The following PIP5K1C variants were observed in gnomAD, a reference collection of about 807,000 sequenced individuals.
PIP5K1C encodes phosphatidylinositol-4-phosphate 5-kinase type 1 gamma.
In PIP5K1C, 45 loss-of-function variants were observed where a neutral mutation model predicts 80.1. That is an observed-to-expected ratio of 0.56 (90% CI 0.44 to 0.72). The LOEUF is 0.72. Among genes scored for constraint, PIP5K1C ranks in the 30% least tolerant of loss-of-function variants. The pLI is 0.00. For synonymous variants in PIP5K1C, 498 were observed against 420.1 expected (o/e 1.19, Z -2.27); for missense variants, 753 against 954.6 (o/e 0.79, Z 2.78).
intron 13 of PIP5K1C, 29 bp from the exon 14 acceptor site, chr19:3,642,968 C>G: frequency 6.2e-7 from 1 of 1,613,058 alleles, no homozygotes; most frequent in Non-Finnish European, 8.5e-7. Context: ...CACGTGACAC[C>G]CAGAAAGAGA....
chr19:3,654,410 G>A (rs577479955), intron 6 of PIP5K1C, among the ~76,000 whole-genome samples: 45 of 152,350 alleles, frequency 3.0e-4, no homozygotes, highest in Non-Finnish European at 5.1e-4. Flanking sequence ...AGTGAGGGGC[G>A]CGGACTCAGG....
chr19:3,685,028 G>A (rs918600927), intron 1 of PIP5K1C, among the ~76,000 whole-genome samples: 1 of 152,314 alleles, frequency 6.6e-6, no homozygotes, highest in South Asian at 2.1e-4. Flanking sequence ...TTTATTTATA[G>A]AAATGAGGCT....
intron 13 of PIP5K1C, 29 bp from the exon 14 acceptor site, chr19:3,642,968 C>T: frequency 6.2e-7 from 1 of 1,613,058 alleles, no homozygotes; most frequent in Non-Finnish European, 8.5e-7. Flanking sequence ...CACGTGACAC[C>T]CAGAAAGAGA....
At position 3,632,329 on chromosome 19, in the gene PIP5K1C, G is replaced by T. The variant is rs1305727272; in HGVS notation, c.*838C>A. On this transcript the variant is annotated 3_prime_UTR_variant, in exon 18 of 18. Coordinates refer to ENST00000335312, the MANE Select transcript of PIP5K1C (RefSeq NM_012398.3). Reference sequence around the variant, plus strand: ...CGCTCTGTCCTGCCATGGAGAAAACGTCTCCGTTGCCTGGGCCCTCCATGC... The same window carrying T: ...CGCTCTGTCCTGCCATGGAGAAAACTTCTCCGTTGCCTGGGCCCTCCATGC... The T allele has an allele frequency of 6.6e-6, 1 of 152,310 alleles. No homozygotes were observed. Among genetic ancestry groups the T allele is most frequent in the African/African-American group, 2.4e-5 (1 of 41,450 alleles). 9.4% of individuals were successfully genotyped at this position (152,310 alleles called of 1,614,324 possible). A position where few individuals can be genotyped will look rare whatever the true frequency, so the allele number is the denominator to read the frequency against.
intron 15 of PIP5K1C, among the ~76,000 whole-genome samples, chr19:3,641,352 G>A (rs1470614754): frequency 6.6e-6 from 1 of 152,132 alleles, no homozygotes; most frequent in East Asian, 1.9e-4. Context: ...TCTTGCCTGG[G>A]CCCTGTGGAC....
At chr19:3,695,734 T>G (rs1176507055) in intron 1 of PIP5K1C, among the ~76,000 whole-genome samples, 9 of 150,818 alleles carry the variant, frequency 6.0e-5, no homozygotes. Flanking sequence ...TGACCCTTTT[T>G]TTTTTTTTTT....
At chr19:3,685,870 GA>G (rs1405953560) in intron 1 of PIP5K1C, among the ~76,000 whole-genome samples, 28 of 150,828 alleles carry the variant, frequency 1.9e-4, no homozygotes, top group African/African-American at 5.6e-4. Context: ...TGTTCATCTT[GA>G]TTTTTTTGTA....
At position 3,631,301 on chromosome 19, in the gene PIP5K1C, G is replaced by A. The variant is rs2033462262; in HGVS notation, c.*1866C>T. 1 of 152,328 alleles carries A rather than the reference G, an allele frequency of 6.6e-6. No individual in the cohort carries two copies. 9.4% of individuals were successfully genotyped at this position (152,328 alleles called of 1,614,324 possible). On this transcript the variant is annotated 3_prime_UTR_variant, in exon 18 of 18. Transcript: ENST00000335312. Reference sequence around the variant, plus strand: ...GGACTGGTGTGGCCTCTGGGGGTTGGGCCTTTGAGATGACAATGCCCCTGT... The same window carrying A: ...GGACTGGTGTGGCCTCTGGGGGTTGAGCCTTTGAGATGACAATGCCCCTGT...
In PIP5K1C at chr19:3,632,853, T is replaced by G. The variant is rs2033507422; in HGVS notation, c.*314A>C. On this transcript the variant is annotated 3_prime_UTR_variant, in exon 18 of 18. Transcript: ENST00000335312. ...CTCTTCTCCCTCTGGTTGGTTTGTT[T>G]GTGTCTTTTTTGTTCTTTTCCTAAA... 1 of 414,448 alleles carries G rather than the reference T, an allele frequency of 2.4e-6. No homozygotes were observed. 25.7% of individuals were successfully genotyped at this position (414,448 alleles called of 1,614,324 possible).
chr19:3,631,417 G>C lies in PIP5K1C; in HGVS notation c.*1750C>G, dbSNP rs1420774550. The C allele has an allele frequency of 6.6e-6, 1 of 152,624 alleles. No homozygotes were observed. The highest frequency in any genetic ancestry group is 2.4e-5 in the African/African-American group (1 of 41,476). 9.5% of individuals were successfully genotyped at this position (152,624 alleles called of 1,614,324 possible). ...CTGCTGGGTGTCCTTCGGAGGGACA[G>C]GGCGGGGGCTGATGGGTGGATGCCC... On this transcript the variant is annotated 3_prime_UTR_variant, in exon 18 of 18. Transcript: ENST00000335312.
At chr19:3,636,521 G>A in intron 16 of PIP5K1C, 1 of 985,554 alleles carries the variant, frequency 1.0e-6, no homozygotes, top group East Asian at 1.1e-4. Flanking sequence ...CCTGCCTATG[G>A]TGGGGTGGCC....
rs530735487 is a variant in PIP5K1C at position 3,633,022 on chromosome 19, G to A, written c.*145C>T. The A allele has an allele frequency of 7.1e-6, 4 of 561,606 alleles. No homozygotes were observed. In the East Asian group the frequency reaches 9.5e-5, roughly 13 times the overall value. The allele number at this position is 561,606 out of a possible 1,614,324, so 34.8% of individuals were successfully genotyped here. ...TTGTCGGGGAGGGGCCCGGCCGTCG[G>A]CATCCGTGCAGGGGGAGGACGAGGT... On this transcript the variant is annotated 3_prime_UTR_variant, in exon 18 of 18. Transcript: ENST00000335312.
At chr19:3,676,821 A>G (rs2035374030) in intron 1 of PIP5K1C, among the ~76,000 whole-genome samples, 1 of 152,250 alleles carries the variant, frequency 6.6e-6, no homozygotes, top group South Asian at 2.1e-4. Context: ...TACTTTAAAA[A>G]GAAATATAAG....
At chr19:3,668,643 G>A (rs1483745889) in intron 1 of PIP5K1C, among the ~76,000 whole-genome samples, 1 of 152,234 alleles carries the variant, frequency 6.6e-6, no homozygotes, top group Admixed American at 6.5e-5. Flanking sequence ...GCGACTGCAG[G>A]GATCGCACGT....
intron 1 of PIP5K1C, among the ~76,000 whole-genome samples, chr19:3,687,157 C>A (rs551609228): frequency 6.6e-6 from 1 of 152,310 alleles, no homozygotes; most frequent in South Asian, 2.1e-4. Context: ...CATGCCACTG[C>A]ACTCCAGCCT....
chr19:3,658,921 T>C (rs2034735414), intron 5 of PIP5K1C, among the ~76,000 whole-genome samples: 1 of 152,126 alleles, frequency 6.6e-6, no homozygotes, highest in African/African-American at 2.4e-5. Flanking sequence ...ACAGCCTCCT[T>C]CGTCGGTGCT....
At chr19:3,691,352 G>A (rs995331538) in intron 1 of PIP5K1C, among the ~76,000 whole-genome samples, 19 of 152,264 alleles carry the variant, frequency 1.2e-4, no homozygotes, top group African/African-American at 4.6e-4. Context: ...TGGGGATGAC[G>A]GCCCCTTCCA....
At position 3,632,981 on chromosome 19, in the gene PIP5K1C, C is replaced by CGG. The variant is rs1313836746; in HGVS notation, c.*184_*185dup. 1.9e-6 allele frequency: 1 copy of CGG among 526,304 alleles called. No individual in the cohort carries two copies. Among genetic ancestry groups the CGG allele is most frequent in the African/African-American group, 2.0e-5 (1 of 49,656 alleles). 32.6% of individuals were successfully genotyped at this position (526,304 alleles called of 1,614,324 possible). A position where few individuals can be genotyped will look rare whatever the true frequency, so the allele number is the denominator to read the frequency against. ...AGGGGCAGGCTGCCGACCGGGGTGC[C>CGG]GGGGCCCTGGGAGGCTTGTCGGGGA... On this transcript the variant is annotated 3_prime_UTR_variant, in exon 18 of 18. Transcript: ENST00000335312.
intron 1 of PIP5K1C, among the ~76,000 whole-genome samples, chr19:3,674,992 C>T (rs901302849): frequency 1.3e-5 from 2 of 152,178 alleles, no homozygotes; most frequent in African/African-American, 4.8e-5. Context: ...AGATACCAGA[C>T]ACAAGAGGCC....
Sources: gnomAD v4.1 joint callset for allele counts (sites outside exome capture counted in the v4.1 genomes callset) on GRCh38, gnomAD v4.1.1 for gene constraint, MANE v1.5 for transcripts, NCBI Gene and HGNC (gene_info 2026-07-23, HGNC 2026-07-21) for gene names.